ATXN1: variants seen among roughly 807,000 people sequenced by gnomAD.
ATXN1 encodes the protein ataxin 1, also known as ataxin-1.
In ATXN1, 8 loss-of-function variants were observed where a neutral mutation model predicts 56.4. That is an observed-to-expected ratio of 0.14 (90% CI 0.08 to 0.26). ATXN1 has a LOEUF of 0.26. Ranked by LOEUF, ATXN1 falls within the 10% of genes least tolerant of loss-of-function variation. The pLI is 1.00. For missense variants in ATXN1, 987 were observed against 1,106.5 expected, an observed-to-expected ratio of 0.89 and a Z score of 1.53; for synonymous variants, 514 against 494.6, an observed-to-expected ratio of 1.04 and a Z score of -0.52.
chr6:16,690,967 G>A (rs200986878), intron 2 of ATXN1, among the ~76,000 whole-genome samples: 1 of 152,186 alleles, frequency 6.6e-6, no homozygotes, highest in Non-Finnish European at 1.5e-5. Flanking sequence ...CTGAGAATGA[G>A]ACAAAGGAAG....
intron 3 of ATXN1, among the ~76,000 whole-genome samples, chr6:16,633,543 C>T (rs1264814843): frequency 6.6e-6 from 1 of 152,198 alleles, no homozygotes. Flanking sequence ...CCAATGCCTA[C>T]TATCTGCAGC....
At chr6:16,485,131 G>C (rs558844479) in intron 6 of ATXN1, 1 of 151,986 alleles carries the variant, frequency 6.6e-6, no homozygotes, top group African/African-American at 2.4e-5. Flanking sequence ...ATATCTTCTC[G>C]TCCTCAGAGG....
At chr6:16,514,712 C>T (rs745442446) in intron 5 of ATXN1, among the ~76,000 whole-genome samples, 2 of 152,168 alleles carry the variant, frequency 1.3e-5, no homozygotes, top group African/African-American at 2.4e-5. Flanking sequence ...TGGGATGACA[C>T]TGTTATTAAA....
chr6:16,459,838 C>T (rs1359432484), intron 6 of ATXN1, among the ~76,000 whole-genome samples: 1 of 152,150 alleles, frequency 6.6e-6, no homozygotes, highest in Non-Finnish European at 1.5e-5. Context: ...GCTACCAGTT[C>T]GGAAGCTTCA....
intron 6 of ATXN1, among the ~76,000 whole-genome samples, chr6:16,403,162 C>T (rs567537049): frequency 2.6e-5 from 4 of 152,142 alleles, no homozygotes; most frequent in Non-Finnish European, 5.9e-5. Context: ...AAGACTGGGA[C>T]TCTGGCAGGA....
intron 3 of ATXN1, among the ~76,000 whole-genome samples, chr6:16,621,125 A>C (rs2113800945): frequency 6.6e-6 from 1 of 152,344 alleles, no homozygotes; most frequent in East Asian, 1.9e-4. Flanking sequence ...GCAGATTACA[A>C]GGCAGCACCT....
intron 3 of ATXN1, among the ~76,000 whole-genome samples, chr6:16,592,905 A>C (rs58946642): frequency 0.099 from 14,959 of 151,060 alleles, 2,344 homozygotes; most frequent in African/African-American, 0.33. Flanking sequence ...CTTTTATTCC[A>C]TTATTTTTCC....
At chr6:16,313,559 T>C (rs577250344) in intron 7 of ATXN1, among the ~76,000 whole-genome samples, 11 of 141,406 alleles carry the variant, frequency 7.8e-5, no homozygotes, top group African/African-American at 2.8e-4. Context: ...GTTAATGGAA[T>C]TTTTTTTTTT....
At chr6:16,471,925 C>T (rs1322887237) in intron 6 of ATXN1, among the ~76,000 whole-genome samples, 2 of 152,106 alleles carry the variant, frequency 1.3e-5, no homozygotes, top group Non-Finnish European at 2.9e-5. Context: ...AAGAGGCAAC[C>T]AAGTGTGTAG....
rs1456248454 is a variant in ATXN1 at position 16,302,131 on chromosome 6, A to G, written c.*4198T>C. 6.5e-6 allele frequency: 1 copy of G among 152,702 alleles called. No homozygotes were observed. Among genetic ancestry groups the G allele is most frequent in the African/African-American group, 2.4e-5 (1 of 41,470 alleles). 9.5% of individuals were successfully genotyped at this position (152,702 alleles called of 1,614,324 possible). ...AGGAGTAATCCACAAGATGCAGGAA[A>G]TCCAAACATTCCTTGAAATTGTACA... is the stretch of plus-strand genomic sequence containing the variant. On this transcript the variant is annotated 3_prime_UTR_variant, in exon 8 of 8. Transcript: ENST00000436367.
intron 3 of ATXN1, among the ~76,000 whole-genome samples, chr6:16,589,281 T>C (rs1476647281): frequency 6.6e-6 from 1 of 152,206 alleles, no homozygotes; most frequent in Non-Finnish European, 1.5e-5. Flanking sequence ...CACCACAACC[T>C]AAGTCCCTTA....
intron 4 of ATXN1, among the ~76,000 whole-genome samples, chr6:16,560,851 G>A (rs978972782): frequency 7.9e-5 from 12 of 152,154 alleles, no homozygotes; most frequent in African/African-American, 2.2e-4. Flanking sequence ...CTGATGGACC[G>A]GAGGGCAAAG....
intron 6 of ATXN1, among the ~76,000 whole-genome samples, chr6:16,474,862 A>ACTCTCT (rs199595059): frequency 7.2e-6 from 1 of 138,142 alleles, no homozygotes; most frequent in African/African-American, 2.6e-5. Flanking sequence ...ACACACACAC[A>ACTCTCT]CACTCTCTCT....
intron 6 of ATXN1, among the ~76,000 whole-genome samples, chr6:16,381,670 G>A (rs376278069): frequency 7.2e-5 from 11 of 152,194 alleles, no homozygotes; most frequent in African/African-American, 2.7e-4. Flanking sequence ...CCCCTCACCT[G>A]ACTGCAAAAT....
chr6:16,389,069 G>A (rs1292184554), intron 6 of ATXN1, among the ~76,000 whole-genome samples: 1 of 152,190 alleles, frequency 6.6e-6, no homozygotes, highest in Non-Finnish European at 1.5e-5. Context: ...CGGCGTGGTG[G>A]CTCACGCCTG....
In ATXN1 at chr6:16,760,004, A is replaced by C. The variant is rs940855371; in HGVS notation, c.-730+1294T>G. Among the ~76,000 whole-genome samples, 4 of 150,328 alleles carry C rather than the reference A, an allele frequency of 2.7e-5. No individual in the cohort carries two copies. Among genetic ancestry groups the C allele is most frequent in the African/African-American group, 2.4e-5 (1 of 40,990 alleles). On this transcript the variant is annotated intron_variant, in intron 1 of 7. Coordinates refer to ENST00000436367, the MANE Select transcript of ATXN1 (RefSeq NM_001128164.2). This position sits in a 1 kb window ranked among gnomAD's most constrained non-coding sequence, Gnocchi z 5.3. The stretch of plus-strand genomic sequence containing the variant: ...CGCGCGCGCGCACAAATACACACAC[A>C]CAGTCACTCACACACTCACTCACAC...
intron 6 of ATXN1, among the ~76,000 whole-genome samples, chr6:16,374,706 C>T (rs1428767267): frequency 1.3e-5 from 2 of 152,206 alleles, no homozygotes; most frequent in African/African-American, 4.8e-5. Flanking sequence ...GCTCCCACCT[C>T]TGTCTGATAT....
At chr6:16,688,040 C>A (rs967838018) in intron 2 of ATXN1, among the ~76,000 whole-genome samples, 1 of 152,172 alleles carries the variant, frequency 6.6e-6, no homozygotes, top group African/African-American at 2.4e-5. Flanking sequence ...GTTATGTATC[C>A]TGGGTTCCAG....
intron 2 of ATXN1, among the ~76,000 whole-genome samples, chr6:16,660,666 A>G (rs1276327313): frequency 6.6e-6 from 1 of 152,188 alleles, no homozygotes; most frequent in East Asian, 1.9e-4. Context: ...AATGTTTCAA[A>G]TCAAATAAAA....
Sources: allele counts gnomAD v4.1 joint callset (sites outside exome capture counted in the v4.1 genomes callset), GRCh38; gene constraint gnomAD v4.1.1; non-coding constraint Gnocchi (gnomAD v3.1); transcripts MANE v1.5; gene names NCBI Gene and HGNC (gene_info 2026-07-23, HGNC 2026-07-21).